TMTC1: variants seen among roughly 807,000 people sequenced by gnomAD.
The protein encoded by TMTC1 is transmembrane O-mannosyltransferase targeting cadherins 1, also known as protein O-mannosyl-transferase TMTC1.
TMTC1 carries 73 observed loss-of-function variants against 104.8 expected under a neutral mutation model. The ratio of observed to expected loss-of-function variants is 0.70; its 90% confidence interval spans 0.58 to 0.85. The LOEUF (loss-of-function observed/expected upper bound fraction) is 0.85. Ranked by LOEUF, TMTC1 falls within the 40% of genes least tolerant of loss-of-function variation. TMTC1 has a pLI of 0.00. For missense variants in TMTC1, 1,035 were observed against 1,096.1 expected, an observed-to-expected ratio of 0.94 and a Z score of 0.79; for synonymous variants, 434 against 428.7, an observed-to-expected ratio of 1.01 and a Z score of -0.15.
chr12:29,529,357 A>C (rs1944435655), intron 11 of TMTC1, among the ~76,000 whole-genome samples: 1 of 152,196 alleles, frequency 6.6e-6, no homozygotes, highest in South Asian at 2.1e-4. Flanking sequence ...ATAGAAAAAA[A>C]AATGTTTCCA....
chr12:29,730,079 C>CA (rs1178139286), intron 5 of TMTC1, among the ~76,000 whole-genome samples: 1 of 152,100 alleles, frequency 6.6e-6, no homozygotes, highest in Non-Finnish European at 1.5e-5. Flanking sequence ...TGACTCTGAG[C>CA]CTTTGCAGAA....
chr12:29,630,313 C>A (rs1938230964), intron 6 of TMTC1, among the ~76,000 whole-genome samples: 1 of 152,130 alleles, frequency 6.6e-6, no homozygotes, highest in Non-Finnish European at 1.5e-5. Context: ...AAAGAGGAAG[C>A]AGGGACCTTG....
intron 5 of TMTC1, among the ~76,000 whole-genome samples, chr12:29,668,150 A>C (rs1358335079): frequency 6.6e-6 from 1 of 152,258 alleles, no homozygotes; most frequent in Admixed American, 6.5e-5. Flanking sequence ...ATGGTGCTGT[A>C]ATAAAATACC....
At chr12:29,568,968 C>A in intron 9 of TMTC1, 1 of 456,026 alleles carries the variant, frequency 2.2e-6, no homozygotes. Flanking sequence ...CATAGATAAT[C>A]CCAAGCTTTA....
intron 5 of TMTC1, among the ~76,000 whole-genome samples, chr12:29,633,684 A>T (rs1938411392): frequency 6.6e-6 from 1 of 152,246 alleles, no homozygotes; most frequent in South Asian, 2.1e-4. Flanking sequence ...CCTTCTTAAC[A>T]GTGCCCAGAA....
At chr12:29,526,812 G>A (rs546929065) in intron 11 of TMTC1, among the ~76,000 whole-genome samples, 83 of 151,804 alleles carry the variant, frequency 5.5e-4, no homozygotes, top group African/African-American at 2.0e-3. Context: ...TTTCTCCTGT[G>A]GCCTATAATA....
At chr12:29,589,606 A>G (rs1287763792) in intron 7 of TMTC1, among the ~76,000 whole-genome samples, 2 of 152,228 alleles carry the variant, frequency 1.3e-5, no homozygotes, top group Non-Finnish European at 2.9e-5. Context: ...TTGTAGGAAC[A>G]GAGCTGCCAT....
chr12:29,685,263 G>A (rs1057272660), intron 5 of TMTC1, among the ~76,000 whole-genome samples: 9 of 151,524 alleles, frequency 5.9e-5, no homozygotes, highest in African/African-American at 1.2e-4. Context: ...CAGTCTACAC[G>A]TAAGAATTCA....
intron 7 of TMTC1, among the ~76,000 whole-genome samples, chr12:29,592,231 C>T (rs1386795464): frequency 1.3e-5 from 2 of 152,148 alleles, no homozygotes; most frequent in Non-Finnish European, 2.9e-5. Flanking sequence ...GAAACCTAGT[C>T]CTAATTAGCT....
Position 29,654,023 on chromosome 12 carries a change from G to T in TMTC1, c.939-20687C>A, listed in dbSNP as rs930042205. The stretch of plus-strand genomic sequence containing the variant: ...TACTTGACCAAGAGAGTTCAGAAAA[G>T]AATTTGAGTTAGGCAAAGCCTTCTT... On this transcript the variant is annotated intron_variant, in intron 5 of 17. Coordinates refer to ENST00000539277, the MANE Select transcript of TMTC1 (RefSeq NM_001193451.2). Among the ~76,000 whole-genome samples, 5 of 152,172 alleles carry T rather than the reference G, an allele frequency of 3.3e-5. No homozygotes were observed. The East Asian group carries it at 7.7e-4, about 23-fold the overall frequency.
At chr12:29,745,602 C>T (rs1260452750) in intron 5 of TMTC1, among the ~76,000 whole-genome samples, 1 of 113,452 alleles carries the variant, frequency 8.8e-6, no homozygotes, top group Non-Finnish European at 1.6e-5. Flanking sequence ...GCCTGAGCAA[C>T]AGAGCGAGAC....
At chr12:29,581,544 C>A (rs159696) in intron 8 of TMTC1, among the ~76,000 whole-genome samples, 2 of 151,994 alleles carry the variant, frequency 1.3e-5, no homozygotes, top group East Asian at 3.9e-4. Context: ...GGATGCAAGG[C>A]CAATCAGCTA....
At chr12:29,532,362 C>G (rs1024518506) in intron 11 of TMTC1, among the ~76,000 whole-genome samples, 6 of 151,792 alleles carry the variant, frequency 4.0e-5, no homozygotes, top group Non-Finnish European at 8.8e-5. Flanking sequence ...TGGAATTTAT[C>G]ATTAGGAAAT....
At chr12:29,666,900 C>T (rs531486435) in intron 5 of TMTC1, among the ~76,000 whole-genome samples, 67 of 152,286 alleles carry the variant, frequency 4.4e-4, no homozygotes, top group Non-Finnish European at 8.2e-4. Flanking sequence ...ACTTCCTTTG[C>T]TCTTTCAACG....
chr12:29,598,891 C>T (rs1457308209), intron 7 of TMTC1, among the ~76,000 whole-genome samples: 1 of 152,192 alleles, frequency 6.6e-6, no homozygotes, highest in African/African-American at 2.4e-5. Flanking sequence ...AATTTAACTT[C>T]TTCTTTTCTA....
In TMTC1 at chr12:29,691,961, T is replaced by C. The variant is rs775040202; in HGVS notation, c.939-58625A>G. The stretch of plus-strand genomic sequence containing the variant: ...ATCGAAGAAAAAAGCTATGAACAGA[T>C]AGGAATGTTCTCTTTGTAGAGACTA... On this transcript the variant is annotated intron_variant, in intron 5 of 17. Transcript: ENST00000539277. Among the ~76,000 whole-genome samples the C allele has an allele frequency of 5.4e-4, 78 of 144,872 alleles. 8 individuals are homozygous for C. The highest frequency in any genetic ancestry group is 1.0e-3 in the Non-Finnish European group (68 of 66,082).
At chr12:29,724,051 A>C (rs536269909) in intron 5 of TMTC1, among the ~76,000 whole-genome samples, 4 of 152,208 alleles carry the variant, frequency 2.6e-5, no homozygotes, top group Non-Finnish European at 4.4e-5. Context: ...AGACTGACAA[A>C]TTCTACTACA....
chr12:29,648,612 C>T (rs1431040928), intron 5 of TMTC1, among the ~76,000 whole-genome samples: 1 of 152,130 alleles, frequency 6.6e-6, no homozygotes, highest in East Asian at 1.9e-4. Flanking sequence ...TCACCAGCCA[C>T]TCATCCTTCT....
chr12:29,758,999 G>A (rs1943280140), intron 2 of TMTC1, among the ~76,000 whole-genome samples: 1 of 152,068 alleles, frequency 6.6e-6, no homozygotes, highest in African/African-American at 2.4e-5. Flanking sequence ...TGGACGGAAG[G>A]GGCAAGATTT....
Sources: gnomAD v4.1 joint callset for allele counts (sites outside exome capture counted in the v4.1 genomes callset) on GRCh38, gnomAD v4.1.1 for gene constraint, MANE v1.5 for transcripts, NCBI Gene and HGNC (gene_info 2026-07-23, HGNC 2026-07-21) for gene names.